The following AGBL1 variants were observed in gnomAD, a reference collection of about 807,000 sequenced individuals.
AGBL1 encodes the protein cytosolic carboxypeptidase 4.
A neutral mutation model predicts 118.9 loss-of-function variants in AGBL1; 130 were observed. The observed-to-expected ratio is 1.09, with a 90% confidence interval of 0.95 to 1.26. The LOEUF is 1.26. Among genes scored for constraint, AGBL1 ranks in the 50% most tolerant of loss-of-function variants. The probability of loss-of-function intolerance (pLI) is 0.00; values close to 1 mark genes in which losing one functional copy is unlikely to be tolerated. For missense variants in AGBL1, 1,584 were observed against 1,298.1 expected (o/e 1.22, Z -3.38); for synonymous variants, 555 against 478.9 (o/e 1.16, Z -2.08).
intron 24 of AGBL1, among the ~76,000 whole-genome samples, chr15:87,028,054 A>AAT (rs1049364851): frequency 2.3e-4 from 35 of 150,928 alleles, no homozygotes; most frequent in Non-Finnish European, 3.6e-4. Flanking sequence ...GGAAGAAAAA[A>AAT]ATATATATAT....
At chr15:86,333,383 T>C (rs2080307426) in intron 17 of AGBL1, among the ~76,000 whole-genome samples, 1 of 151,938 alleles carries the variant, frequency 6.6e-6, no homozygotes, top group Non-Finnish European at 1.5e-5. Flanking sequence ...ATACAAAAGA[T>C]CCTGAGATGA....
rs145406886 is a variant in AGBL1, at chr15:86,874,912, A to C, written c.3159-32175A>C. Among the ~76,000 whole-genome samples, 701 of 152,190 alleles carry C rather than the reference A, an allele frequency of 4.6e-3. 4 individuals carry two copies. Among genetic ancestry groups the C allele is most frequent in the African/African-American group, 0.016 (679 of 41,522 alleles). ...AACAGTTCAAAAATGCCACTGTAGA[A>C]GGTCTCCCGGCATGACCTCCAACCT... On this transcript the variant is annotated intron_variant, in intron 22 of 22. Coordinates refer to ENST00000614907, the MANE Select transcript of AGBL1 (RefSeq NM_001386094.1).
intron 18 of AGBL1, among the ~76,000 whole-genome samples, chr15:86,468,100 TGA>T (rs1184650293): frequency 6.6e-6 from 1 of 152,132 alleles, no homozygotes; most frequent in East Asian, 1.9e-4. Flanking sequence ...AAGTATATAA[TGA>T]GAGTAGGGGG....
chr15:86,598,721 A>G (rs1208131552), intron 21 of AGBL1, among the ~76,000 whole-genome samples: 1 of 152,160 alleles, frequency 6.6e-6, no homozygotes, highest in Non-Finnish European at 1.5e-5. Flanking sequence ...TCAATTTAAA[A>G]CATGGCTGCA....
At chr15:87,011,218 C>A (rs1002621993) in intron 24 of AGBL1, among the ~76,000 whole-genome samples, 1 of 152,152 alleles carries the variant, frequency 6.6e-6, no homozygotes, top group Non-Finnish European at 1.5e-5. Context: ...CAACCCCTAA[C>A]TGTGTATTGA....
At chr15:86,672,303 C>G (rs2036125432) in intron 21 of AGBL1, among the ~76,000 whole-genome samples, 1 of 152,140 alleles carries the variant, frequency 6.6e-6, no homozygotes, top group South Asian at 2.1e-4. Flanking sequence ...TCTGGGGCAT[C>G]AAATTTTTTT....
In AGBL1 at chr15:86,269,929, G is replaced by A. The variant is rs199769049; in HGVS notation, c.1849G>A (p.Asp617Asn). The A allele has an allele frequency of 3.1e-4, 506 of 1,613,794 alleles. 3 individuals carry two copies. The highest frequency in any genetic ancestry group is 2.5e-3 in the Middle Eastern group (15 of 6,062). Residue 617 changes from aspartate to asparagine, a missense_variant, in exon 14 of 23, where the codon GAC (aspartate) becomes AAC (asparagine). Asp to Asn is a conservative substitution (Grantham distance 23). Coordinates refer to ENST00000614907, the MANE Select transcript of AGBL1 (RefSeq NM_001386094.1). ...KAIQVREFEY[D>N]LLVNADVNST... ...GCTTCTGATCTGCAGGTTCGAGTATGACTTGCTGGTCAACGCAGATGTGAA... is the reference window on the plus strand; with the variant it reads ...GCTTCTGATCTGCAGGTTCGAGTATAACTTGCTGGTCAACGCAGATGTGAA...
intron 3 of AGBL1, among the ~76,000 whole-genome samples, chr15:86,149,826 T>A (rs1371019191): frequency 2.6e-5 from 4 of 152,156 alleles, no homozygotes; most frequent in Admixed American, 2.6e-4. Flanking sequence ...GAATATATAT[T>A]CTTCTCAGCA....
chr15:87,010,819 C>CATCT (rs2081551809), intron 24 of AGBL1, among the ~76,000 whole-genome samples: 1 of 151,370 alleles, frequency 6.6e-6, no homozygotes, highest in Non-Finnish European at 1.5e-5. Context: ...TCCTATCTGT[C>CATCT]ATCTATCTGT....
At chr15:86,267,388 C>A (rs1181639422) in intron 13 of AGBL1, among the ~76,000 whole-genome samples, 1 of 152,096 alleles carries the variant, frequency 6.6e-6, no homozygotes, top group Non-Finnish European at 1.5e-5. Context: ...ATAATGGGTC[C>A]ATATTTCGGT....
At chr15:86,390,285 C>A (rs2081256642) in intron 17 of AGBL1, among the ~76,000 whole-genome samples, 2 of 152,112 alleles carry the variant, frequency 1.3e-5, no homozygotes, top group South Asian at 4.1e-4. Context: ...GACAAATTCA[C>A]AATCATCTTT....
intron 23 of AGBL1, among the ~76,000 whole-genome samples, chr15:86,983,682 C>A (rs775080248): frequency 6.6e-6 from 1 of 152,304 alleles, no homozygotes; most frequent in Non-Finnish European, 1.5e-5. Flanking sequence ...CCCATGCGTT[C>A]CTTTGCAAGT....
At chr15:86,679,618 C>T (rs1046312539) in intron 22 of AGBL1, among the ~76,000 whole-genome samples, 1 of 151,266 alleles carries the variant, frequency 6.6e-6, no homozygotes, top group African/African-American at 2.4e-5. Context: ...TATGAGCATC[C>T]TCACCATAAA....
At chr15:86,762,377 A>G (rs976235316) in intron 22 of AGBL1, among the ~76,000 whole-genome samples, 2 of 152,170 alleles carry the variant, frequency 1.3e-5, no homozygotes, top group East Asian at 3.9e-4. Flanking sequence ...ACTTAAAAAA[A>G]TAAAAAATAC....
intron 5 of AGBL1, among the ~76,000 whole-genome samples, chr15:86,194,415 G>C (rs1241761683): frequency 6.6e-6 from 1 of 152,164 alleles, no homozygotes; most frequent in Non-Finnish European, 1.5e-5. Flanking sequence ...TCCCATGTCT[G>C]TTCTTTTGCT....
intron 22 of AGBL1, among the ~76,000 whole-genome samples, chr15:86,824,965 G>T (rs1468845122): frequency 1.3e-5 from 2 of 152,000 alleles, no homozygotes; most frequent in Admixed American, 6.6e-5. Flanking sequence ...GCTGAGGAAG[G>T]GGAATCACAT....
Position 86,674,286 on chromosome 15 carries a change from G to A in AGBL1, c.3008G>A (p.Gly1003Asp), listed in dbSNP as rs773533277. ...NQGPYQGLQF[G>D]TRELEEMGAM... ...TTTAACTGGCAGGGTCTACAGTTTGGTACCAGAGAACTGGAGGAGATGGGA... is the reference window on the plus strand; with the variant it reads ...TTTAACTGGCAGGGTCTACAGTTTGATACCAGAGAACTGGAGGAGATGGGA... Residue 1003 changes from glycine to aspartate, a missense_variant, in exon 22 of 23, where the codon GGT (glycine) becomes GAT (aspartate). Coordinates refer to ENST00000614907, the MANE Select transcript of AGBL1 (RefSeq NM_001386094.1). 1.2e-6 allele frequency: 2 copies of A among 1,610,768 alleles called. No individual in the cohort carries two copies. The highest frequency in any genetic ancestry group is 2.2e-5 in the South Asian group (2 of 90,424).
chr15:86,565,913 C>T (rs980506673), intron 21 of AGBL1, among the ~76,000 whole-genome samples: 7 of 152,228 alleles, frequency 4.6e-5, no homozygotes, highest in African/African-American at 7.2e-5. Context: ...GCTCCATGGG[C>T]GTGGGACCCT....
At chr15:87,022,963 G>A (rs62031596) in intron 24 of AGBL1, among the ~76,000 whole-genome samples, 16,883 of 151,942 alleles carry the variant, frequency 0.11, 1,071 homozygotes, top group East Asian at 0.15. Flanking sequence ...TTCAAAAAGT[G>A]CTCTAAATTT....
Sources: gnomAD v4.1 joint callset for allele counts (sites outside exome capture counted in the v4.1 genomes callset) on GRCh38, gnomAD v4.1.1 for gene constraint, MANE v1.5 for transcripts, NCBI Gene and HGNC (gene_info 2026-07-23, HGNC 2026-07-21) for gene names.